Variants in TRPM6 observed in about 807,000 individuals in gnomAD.
The protein encoded by TRPM6 is channel kinase 2.
Under a neutral mutation model 247.6 loss-of-function variants are expected in TRPM6, and 111 were observed. The ratio of observed to expected loss-of-function variants is 0.45; its 90% CI spans 0.38 to 0.52. The LOEUF (loss-of-function observed/expected upper bound fraction) is 0.52. Among genes scored for constraint, TRPM6 ranks in the 20% least tolerant of loss-of-function variants. TRPM6 has a pLI of 0.00. For synonymous variants in TRPM6, 892 were observed against 853.8 expected, an observed-to-expected ratio of 1.04 and a Z score of -0.78; for missense variants, 2,126 against 2,421.5, an observed-to-expected ratio of 0.88 and a Z score of 2.56.
intron 19 of TRPM6, among the ~76,000 whole-genome samples, chr9:74,790,279 A>G (rs1228220717): frequency 1.3e-5 from 2 of 152,170 alleles, no homozygotes; most frequent in African/African-American, 4.8e-5. Flanking sequence ...ATAAGAAAGT[A>G]AAGGTAAATT....
intron 2 of TRPM6, among the ~76,000 whole-genome samples, chr9:74,856,445 ATG>A (rs748325225): frequency 0.075 from 9,389 of 125,154 alleles, 336 homozygotes; most frequent in Middle Eastern, 0.13. Context: ...GTCTCAAAAT[ATG>A]TGTGTGTGTG....
rs547509001 is a variant in TRPM6, at chr9:74,778,894, G to A, written c.3210-2818C>T. On this transcript the variant is annotated intron_variant, in intron 23 of 38. Coordinates refer to ENST00000360774, the MANE Select transcript of TRPM6 (RefSeq NM_017662.5). ...GACTGGGAGTGCACCACCTCACCAGGCAACACTCCTTCCCAAAGAGTCCAA... is the reference window on the plus strand; with the variant it reads ...GACTGGGAGTGCACCACCTCACCAGACAACACTCCTTCCCAAAGAGTCCAA... Among the ~76,000 whole-genome samples, 4 of 152,124 alleles carry A rather than the reference G, an allele frequency of 2.6e-5. No homozygotes were observed. In the East Asian group the frequency reaches 7.7e-4, roughly 29 times the overall value.
At chr9:74,769,715 G>A (rs1450954890) in intron 25 of TRPM6, among the ~76,000 whole-genome samples, 1 of 149,464 alleles carries the variant, frequency 6.7e-6, no homozygotes. Context: ...CCAAGATCAC[G>A]CCGTGGCACT....
intron 27 of TRPM6, 40 bp from the exon 28 acceptor site, chr9:74,755,513 T>C: frequency 6.2e-7 from 1 of 1,612,818 alleles, no homozygotes; most frequent in Non-Finnish European, 8.5e-7. Context: ...GTGACATTAA[T>C]TCAAAAGCAC....
Position 74,762,717 on chromosome 9 carries a change from T to C in TRPM6, c.3954A>G (p.Glu1318=). The C allele has an allele frequency of 6.2e-7, 1 of 1,614,178 alleles. No individual in the cohort carries two copies. The change falls in exon 26 of 39, where the codon GAA becomes GAG. Residue 1318 remains glutamate, a synonymous_variant. Transcript: ENST00000360774. ...CTATACTACTTTGTGTTTCTTGCCT[T>C]TCCTGGTCATTTCTTACATTTGTAG... ...REATNVRNDQ[E]RQETQSSIVV...
At chr9:74,771,033 C>CA (rs951664998) in intron 25 of TRPM6, among the ~76,000 whole-genome samples, 3 of 152,210 alleles carry the variant, frequency 2.0e-5, no homozygotes, top group Admixed American at 6.5e-5. Context: ...CCCCACTCCC[C>CA]ATCCAACCAG....
intron 18 of TRPM6, among the ~76,000 whole-genome samples, chr9:74,794,856 TC>T (rs1312002189): frequency 1.3e-5 from 2 of 150,628 alleles, no homozygotes; most frequent in African/African-American, 4.9e-5. Context: ...TATATACAGC[TC>T]CCCTCACCCC....
intron 1 of TRPM6, among the ~76,000 whole-genome samples, chr9:74,883,479 T>A (rs543840342): frequency 2.0e-5 from 3 of 152,282 alleles, no homozygotes; most frequent in Admixed American, 2.0e-4. Context: ...AAAGTTTTAT[T>A]CACTGTATAT....
chr9:74,810,405 A>G (rs1222716398), intron 13 of TRPM6, among the ~76,000 whole-genome samples: 13 of 152,230 alleles, frequency 8.5e-5, no homozygotes, highest in Admixed American at 8.5e-4. Flanking sequence ...AGAGAGTGCC[A>G]GAACTATCAC....
At chr9:74,813,514 G>A (rs1401804026) in intron 11 of TRPM6, among the ~76,000 whole-genome samples, 2 of 152,170 alleles carry the variant, frequency 1.3e-5, no homozygotes, top group Non-Finnish European at 2.9e-5. Flanking sequence ...GGGAACTAGA[G>A]GATTCTTTTC....
intron 3 of TRPM6, among the ~76,000 whole-genome samples, chr9:74,854,237 G>A (rs555406073): frequency 1.1e-4 from 17 of 152,250 alleles, no homozygotes; most frequent in African/African-American, 3.4e-4. Flanking sequence ...ATTTCTGAGA[G>A]GTATAAAAGT....
chr9:74,747,836 G>T (rs73650058), intron 31 of TRPM6, 53 bp downstream of exon 31: 4 of 1,399,162 alleles, frequency 2.9e-6, no homozygotes, highest in East Asian at 2.3e-5. Context: ...AGTGAACCTC[G>T]CATTAAAAAG....
At chr9:74,785,586 A>T (rs1236640593) in intron 21 of TRPM6, among the ~76,000 whole-genome samples, 1 of 152,048 alleles carries the variant, frequency 6.6e-6, no homozygotes, top group Non-Finnish European at 1.5e-5. Flanking sequence ...GCAGTGGCGC[A>T]ATCTCGGCTC....
intron 6 of TRPM6, 86 bp downstream of exon 6, chr9:74,833,912 A>C: frequency 6.4e-7 from 1 of 1,554,584 alleles, no homozygotes; most frequent in Non-Finnish European, 8.8e-7. Flanking sequence ...TGTAATGTTC[A>C]TTCATTAGAC....
At chr9:74,821,858 T>C in intron 7 of TRPM6, 21 bp from the exon 8 acceptor site, 1 of 1,613,824 alleles carries the variant, frequency 6.2e-7, no homozygotes, top group South Asian at 1.1e-5. Context: ...CCACAAACAA[T>C]ACCACACTGT....
At chr9:74,738,197 AATC>A (rs113552468) in intron 36 of TRPM6, among the ~76,000 whole-genome samples, 6 of 152,346 alleles carry the variant, frequency 3.9e-5, no homozygotes, top group African/African-American at 1.2e-4. Flanking sequence ...TTAAATAGAT[AATC>A]ATCTGCCTAC....
chr9:74,831,528 A>C (rs1160022797), intron 6 of TRPM6, among the ~76,000 whole-genome samples: 1 of 152,138 alleles, frequency 6.6e-6, no homozygotes, highest in Non-Finnish European at 1.5e-5. Context: ...GTCCCACTAA[A>C]AGCAAACAGC....
At chr9:74,765,653 G>A (rs934255154) in intron 25 of TRPM6, among the ~76,000 whole-genome samples, 6 of 152,158 alleles carry the variant, frequency 3.9e-5, no homozygotes, top group African/African-American at 1.4e-4. Context: ...GCTCTTATCT[G>A]GGGGCAGGGA....
At chr9:74,804,107 G>T (rs1182965318) in intron 14 of TRPM6, among the ~76,000 whole-genome samples, 1 of 152,040 alleles carries the variant, frequency 6.6e-6, no homozygotes. Flanking sequence ...TGTGCATTTT[G>T]TTATTTCCTA....
Sources: gnomAD v4.1 joint callset for allele counts (sites outside exome capture counted in the v4.1 genomes callset) on GRCh38, gnomAD v4.1.1 for gene constraint, MANE v1.5 for transcripts, NCBI Gene and HGNC (gene_info 2026-07-23, HGNC 2026-07-21) for gene names.